The following PCM1 variants were observed in gnomAD, a reference collection of about 807,000 sequenced individuals.
The protein encoded by PCM1 is pericentriolar material 1.
A neutral mutation model predicts 241.9 loss-of-function variants in PCM1; 157 were observed. The ratio of observed to expected loss-of-function variants is 0.65; its 90% CI spans 0.57 to 0.74. PCM1 has a LOEUF of 0.74. PCM1 is among the 30% of genes least tolerant of loss of function. The pLI is 0.00. For synonymous variants in PCM1, 1,085 were observed against 784.9 expected (o/e 1.38, Z -6.39); for missense variants, 3,478 against 2,360.1 (o/e 1.47, Z -9.81).
chr8:17,978,401 C>T (rs1438311708), intron 23 of PCM1, among the ~76,000 whole-genome samples: 1 of 152,058 alleles, frequency 6.6e-6, no homozygotes, highest in African/African-American at 2.4e-5. Flanking sequence ...GAGGGAAACA[C>T]ACAAACACCT....
At chr8:18,022,998 C>T (rs1401996195) in intron 36 of PCM1, among the ~76,000 whole-genome samples, 1 of 151,984 alleles carries the variant, frequency 6.6e-6, no homozygotes, top group Non-Finnish European at 1.5e-5. Flanking sequence ...TTTTTTTATT[C>T]CTCTTTCTAT....
intron 6 of PCM1, among the ~76,000 whole-genome samples, chr8:17,945,655 T>C (rs1344292798): frequency 6.6e-6 from 1 of 152,202 alleles, no homozygotes; most frequent in African/African-American, 2.4e-5. Flanking sequence ...TGATGAGTTC[T>C]ACTTGGGGAG....
chr8:17,977,325 C>T (rs1564107676), intron 23 of PCM1, among the ~76,000 whole-genome samples: 1 of 151,738 alleles, frequency 6.6e-6, no homozygotes, highest in Non-Finnish European at 1.5e-5. Context: ...GTTTGAGAGA[C>T]CAGTGAAAAA....
rs116778911 is a variant in PCM1 at position 17,976,363 on chromosome 8, C to T, written c.3943+3676C>T. The stretch of plus-strand genomic sequence containing the variant: ...CTGTTGCTGAGGAATCATTGTTATA[C>T]TGCAGCTAAGCCTGTTTAGTCTGCA... On this transcript the variant is annotated intron_variant, in intron 23 of 38. Transcript: ENST00000325083. Among the ~76,000 whole-genome samples, 1,143 of 152,306 alleles carry T rather than the reference C, an allele frequency of 7.5e-3. 9 individuals are homozygous for T. The highest frequency in any genetic ancestry group is 0.026 in the African/African-American group (1,094 of 41,550).
intron 36 of PCM1, among the ~76,000 whole-genome samples, chr8:18,017,008 CAGTTTCTACGCATGATAT>C (rs2093286137): frequency 6.6e-6 from 1 of 152,188 alleles, no homozygotes; most frequent in Non-Finnish European, 1.5e-5. Context: ...TGATTTCTGT[CAGTTTCTACGCATGATAT>C]TAGCCACTGG....
At chr8:17,968,730 A>ATGTGTGTGTGTG (rs551909289) in intron 21 of PCM1, among the ~76,000 whole-genome samples, 4,219 of 134,544 alleles carry the variant, frequency 0.031, 135 homozygotes, top group African/African-American at 0.069. Flanking sequence ...GGATGTATAT[A>ATGTGTGTGTGTG]TGTGTGTGTG....
chr8:17,976,346 G>C (rs1486523449), intron 23 of PCM1, among the ~76,000 whole-genome samples: 2 of 152,206 alleles, frequency 1.3e-5, no homozygotes, highest in Non-Finnish European at 2.9e-5. Context: ...CCCTGTTGCT[G>C]AGGAATCATT....
At chr8:18,015,553 A>C (rs1185835824) in intron 36 of PCM1, 2 of 152,130 alleles carry the variant, frequency 1.3e-5, no homozygotes, top group African/African-American at 4.8e-5. Flanking sequence ...CAAACCAAGC[A>C]AATAATTTAT....
chr8:17,952,435 C>T (rs1210980424), intron 8 of PCM1, among the ~76,000 whole-genome samples: 2 of 152,034 alleles, frequency 1.3e-5, no homozygotes. Flanking sequence ...GAATCCAAGA[C>T]CTCTGTGTGG....
chr8:17,946,656 C>A (rs540314698), intron 6 of PCM1, among the ~76,000 whole-genome samples: 4 of 152,142 alleles, frequency 2.6e-5, no homozygotes, highest in Admixed American at 2.0e-4. Context: ...ACCGCCACAC[C>A]CGGCTAATTT....
At position 17,956,542 on chromosome 8, in the gene PCM1, A is replaced by G. The variant is rs1005763236; in HGVS notation, c.1473-62A>G. ...CTGTTAGCTGCTATGATATGAAAAT[A>G]ATGTCTGTATTATTTTGCTAAAATG... On this transcript the variant is annotated intron_variant, in intron 10 of 38. Transcript: ENST00000325083. 6.0e-6 allele frequency: 6 copies of G among 1,000,882 alleles called. No homozygotes were observed. In the African/African-American group the frequency reaches 8.2e-5, roughly 14 times the overall value. 62.0% of individuals were successfully genotyped at this position (1,000,882 alleles called of 1,614,324 possible). A position where few individuals can be genotyped will look rare whatever the true frequency, so the allele number is the denominator to read the frequency against.
At chr8:17,944,108 A>G (rs1167237433) in intron 6 of PCM1, among the ~76,000 whole-genome samples, 1 of 152,186 alleles carries the variant, frequency 6.6e-6, no homozygotes, top group Admixed American at 6.5e-5. Flanking sequence ...CTTAAAATTT[A>G]TAAGCTTTCT....
intron 18 of PCM1, 46 bp downstream of exon 18, chr8:17,964,814 G>T (rs769561419): frequency 6.9e-7 from 1 of 1,454,838 alleles, no homozygotes; most frequent in Non-Finnish European, 9.6e-7. Context: ...AGAGGCTCAG[G>T]TCTTTTTGAC....
Position 18,009,753 on chromosome 8 carries a change from C to A in PCM1, c.5160+9C>A. On this transcript the variant is annotated intron_variant, in intron 31 of 38. Coordinates refer to ENST00000325083, the MANE Select transcript of PCM1 (RefSeq NM_006197.4). Reference sequence around the variant, plus strand: ...AATCTTGTGCCAAAGAGGTAAATAACGTTCATTTTGATTTTTAGGATAATT... The same window carrying A: ...AATCTTGTGCCAAAGAGGTAAATAAAGTTCATTTTGATTTTTAGGATAATT... 7.1e-7 allele frequency: 1 copy of A among 1,398,854 alleles called. No homozygotes were observed. The highest frequency in any genetic ancestry group is 9.4e-7 in the Non-Finnish European group (1 of 1,066,416). 86.7% of individuals were successfully genotyped at this position (1,398,854 alleles called of 1,614,324 possible). A position where few individuals can be genotyped will look rare whatever the true frequency, so the allele number is the denominator to read the frequency against.
At chr8:17,996,512 T>C (rs1043135005) in intron 29 of PCM1, among the ~76,000 whole-genome samples, 1 of 152,186 alleles carries the variant, frequency 6.6e-6, no homozygotes, top group African/African-American at 2.4e-5. Context: ...TGGTTAATGG[T>C]TTGCCAATTT....
At position 17,939,801 on chromosome 8, in the gene PCM1, T is replaced by C. The variant is rs370795761; in HGVS notation, c.723T>C (p.His241=). 2.6e-6 allele frequency: 4 copies of C among 1,541,738 alleles called. No individual in the cohort carries two copies. In the East Asian group the frequency reaches 7.1e-5, roughly 27 times the overall value. ...ERSANVERLT[H]LIDHLKEQEK... ...CTGCTAATGTTGAGCGCCTTACTCATCTAATAGATCACCTTAAAGAACAAG... is the reference window on the plus strand; with the variant it reads ...CTGCTAATGTTGAGCGCCTTACTCACCTAATAGATCACCTTAAAGAACAAG... The change falls in exon 6 of 39, where the codon CAT becomes CAC. Residue 241 remains histidine, a synonymous_variant. Coordinates refer to ENST00000325083, the MANE Select transcript of PCM1 (RefSeq NM_006197.4).
intron 27 of PCM1, 85 bp from the exon 28 acceptor site, chr8:17,991,457 G>A: frequency 2.5e-6 from 3 of 1,183,544 alleles, no homozygotes; most frequent in Admixed American, 4.9e-5. Flanking sequence ...CTTTTGTTTG[G>A]ACATTTTTTT....
At chr8:17,968,730 A>G (rs11780845) in intron 21 of PCM1, among the ~76,000 whole-genome samples, 3,478 of 134,700 alleles carry the variant, frequency 0.026, 81 homozygotes, top group South Asian at 0.056. Flanking sequence ...GGATGTATAT[A>G]TGTGTGTGTG....
chr8:17,956,929 G>A (rs191575709), intron 11 of PCM1, among the ~76,000 whole-genome samples, 152 bp downstream of exon 11: 1 of 152,286 alleles, frequency 6.6e-6, no homozygotes, highest in East Asian at 1.9e-4. Flanking sequence ...TCTGCCCTGT[G>A]AAGAAAGATG....
Sources: allele counts gnomAD v4.1 joint callset (sites outside exome capture counted in the v4.1 genomes callset), GRCh38; gene constraint gnomAD v4.1.1; transcripts MANE v1.5; gene names NCBI Gene and HGNC (gene_info 2026-07-23, HGNC 2026-07-21).